CHRM3: variants seen among roughly 807,000 people sequenced by gnomAD.
CHRM3 encodes the protein cholinergic receptor muscarinic 3.
In CHRM3, 11 loss-of-function variants were observed where a neutral mutation model predicts 41.8. The observed-to-expected ratio is 0.26, with a 90% CI of 0.17 to 0.44. CHRM3 has a LOEUF of 0.44. CHRM3 is among the 20% of genes least tolerant of loss of function. The pLI is 1.00. For missense variants in CHRM3, 571 were observed against 745.4 expected, an observed-to-expected ratio of 0.77 and a Z score of 2.72; for synonymous variants, 297 against 301.4, an observed-to-expected ratio of 0.99 and a Z score of 0.15.
At chr1:239,424,774 T>A (rs1000516753) in intron 1 of CHRM3, among the ~76,000 whole-genome samples, 1 of 152,124 alleles carries the variant, frequency 6.6e-6, no homozygotes, top group South Asian at 2.1e-4. Flanking sequence ...AGGGGTACAG[T>A]GCTGGGATGT....
At chr1:239,758,228 A>G (rs1177104037) in intron 5 of CHRM3, among the ~76,000 whole-genome samples, 2 of 152,206 alleles carry the variant, frequency 1.3e-5, no homozygotes, top group Non-Finnish European at 2.9e-5. Context: ...TCAAAATATT[A>G]GTTAGGATAG....
chr1:239,422,822 A>G (rs1489911580), intron 1 of CHRM3, among the ~76,000 whole-genome samples: 1 of 152,004 alleles, frequency 6.6e-6, no homozygotes, highest in African/African-American at 2.4e-5. Flanking sequence ...AAAACAAAAA[A>G]CAGTTTTTAT....
intron 1 of CHRM3, among the ~76,000 whole-genome samples, chr1:239,461,828 A>G (rs1665383626): frequency 6.6e-6 from 1 of 151,154 alleles, no homozygotes; most frequent in African/African-American, 2.4e-5. Flanking sequence ...TCCTCTGGGG[A>G]CATGTTGGTT....
rs564972378 is a variant in CHRM3, at chr1:239,744,856, G to A, written c.-147+66568G>A. Among the ~76,000 whole-genome samples, 51 of 152,200 alleles carry A rather than the reference G, an allele frequency of 3.4e-4. 1 individual carries two copies. The South Asian group carries it at 7.7e-3, about 23-fold the overall frequency. ...AGGGAAGAGAATAACAGACTTTTGG[G>A]GAGTTGTCCATGAAGAGATGATCCA... On this transcript the variant is annotated intron_variant, in intron 5 of 6. Transcript: ENST00000676153.
intron 5 of CHRM3, among the ~76,000 whole-genome samples, chr1:239,811,316 C>A (rs1485677905): frequency 2.0e-5 from 3 of 152,314 alleles, no homozygotes; most frequent in East Asian, 3.9e-4. Context: ...AACCGCAAGA[C>A]CCATTGTCTC....
chr1:239,561,381 A>G (rs376912173), intron 3 of CHRM3, among the ~76,000 whole-genome samples: 1 of 151,972 alleles, frequency 6.6e-6, no homozygotes, highest in Non-Finnish European at 1.5e-5. Context: ...CTTTCACTAC[A>G]TATGTAATCT....
intron 3 of CHRM3, among the ~76,000 whole-genome samples, chr1:239,613,044 G>T (rs1011731956): frequency 1.3e-5 from 2 of 152,160 alleles, no homozygotes; most frequent in African/African-American, 2.4e-5. Flanking sequence ...ATTTTTCTTT[G>T]TTGGCCCTAA....
chr1:239,463,918 A>G (rs1163238092), intron 1 of CHRM3, among the ~76,000 whole-genome samples: 1 of 152,184 alleles, frequency 6.6e-6, no homozygotes, highest in Non-Finnish European at 1.5e-5. Context: ...GATACCTCAT[A>G]TAAATAAAAT....
chr1:239,686,671 T>C (rs1242970938), intron 5 of CHRM3, among the ~76,000 whole-genome samples: 1 of 152,204 alleles, frequency 6.6e-6, no homozygotes, highest in Non-Finnish European at 1.5e-5. Context: ...TAGTACTTTG[T>C]CCCTAATGGC....
chr1:239,826,603 C>T (rs553532245), intron 5 of CHRM3, among the ~76,000 whole-genome samples: 63 of 152,048 alleles, frequency 4.1e-4, no homozygotes, highest in African/African-American at 1.4e-3. Flanking sequence ...TGAAAAGTAT[C>T]GGGAAAAGTA....
At chr1:239,769,214 C>T (rs1393943452) in intron 5 of CHRM3, among the ~76,000 whole-genome samples, 2 of 152,120 alleles carry the variant, frequency 1.3e-5, no homozygotes, top group Non-Finnish European at 2.9e-5. Flanking sequence ...AACAGGTAGG[C>T]AATGGATAAG....
chr1:239,909,604 A>AT lies in CHRM3; in HGVS notation c.*382dup. On this transcript the variant is annotated 3_prime_UTR_variant, in exon 7 of 7. Transcript: ENST00000676153. ...TGAGCATAGCTGACCCAGTTCCCAC[A>AT]TTCTTCCCAAGGATCCCAAAAGTGG... 1 of 180,048 alleles carries AT rather than the reference A, an allele frequency of 5.6e-6. No homozygotes were observed. The highest frequency in any genetic ancestry group is 1.3e-5 in the Non-Finnish European group (1 of 76,726). The allele number at this position is 180,048 out of a possible 1,614,324, so 11.2% of individuals were successfully genotyped here. A position where few individuals can be genotyped will look rare whatever the true frequency, so the allele number is the denominator to read the frequency against.
intron 1 of CHRM3, among the ~76,000 whole-genome samples, chr1:239,400,520 T>C (rs1008379582): frequency 2.0e-5 from 3 of 152,208 alleles, no homozygotes; most frequent in African/African-American, 7.2e-5. Context: ...ACCCAAAAGT[T>C]CTTTGCCGAG....
intron 5 of CHRM3, among the ~76,000 whole-genome samples, chr1:239,721,467 T>G (rs1662963357): frequency 6.6e-6 from 1 of 151,864 alleles, no homozygotes; most frequent in Non-Finnish European, 1.5e-5. Flanking sequence ...TTTGGAAGGT[T>G]CTAAATCATA....
At chr1:239,552,427 A>G (rs1218078006) in intron 3 of CHRM3, among the ~76,000 whole-genome samples, 2 of 147,486 alleles carry the variant, frequency 1.4e-5, no homozygotes, top group Non-Finnish European at 3.0e-5. Context: ...GGTATGTATC[A>G]TATATATGTA....
rs149753603 is a variant in CHRM3 at position 239,392,237 on chromosome 1, G to A, written c.-521+5010G>A. 1.6e-4 allele frequency among the ~76,000 whole-genome samples: 25 copies of A among 152,130 alleles called. No homozygotes were observed. The East Asian group carries it at 3.9e-3, about 24-fold the overall frequency. ...CCTCTCCTGACAGTGCATCATTTCC[G>A]CCTGAGACTTGTAGTGCCCGGTTCC... On this transcript the variant is annotated intron_variant, in intron 1 of 6. Transcript: ENST00000676153.
intron 1 of CHRM3, among the ~76,000 whole-genome samples, chr1:239,433,610 C>G (rs992562261): frequency 6.6e-6 from 1 of 151,950 alleles, no homozygotes; most frequent in Non-Finnish European, 1.5e-5. Context: ...GCCCTCACCC[C>G]CTCCCACCCT....
intron 5 of CHRM3, among the ~76,000 whole-genome samples, chr1:239,822,397 C>G (rs1672125743): frequency 6.6e-6 from 1 of 152,140 alleles, no homozygotes; most frequent in Non-Finnish European, 1.5e-5. Context: ...TGCAAGAGAG[C>G]TTTTCTACTT....
intron 5 of CHRM3, among the ~76,000 whole-genome samples, chr1:239,765,441 C>T (rs1277677694): frequency 6.6e-6 from 1 of 152,140 alleles, no homozygotes; most frequent in Non-Finnish European, 1.5e-5. Context: ...ATTTGTGATG[C>T]TAATTGTTTA....
Sources: allele counts gnomAD v4.1 joint callset (sites outside exome capture counted in the v4.1 genomes callset), GRCh38; gene constraint gnomAD v4.1.1; transcripts MANE v1.5; gene names NCBI Gene and HGNC (gene_info 2026-07-23, HGNC 2026-07-21).